RGS6: variants seen among roughly 807,000 people sequenced by gnomAD.
The protein encoded by RGS6 is regulator of G-protein signaling 6.
A neutral mutation model predicts 78.5 loss-of-function variants in RGS6; 30 were observed. The observed-to-expected ratio is 0.38, with a 90% CI of 0.29 to 0.52. RGS6 has a LOEUF of 0.52. RGS6 is among the 20% of genes least tolerant of loss of function. The pLI, the probability that RGS6 is intolerant of heterozygous loss-of-function variation, is 0.85. For missense variants in RGS6, 495 were observed against 609.7 expected (o/e 0.81, Z 1.98); for synonymous variants, 206 against 206.0 (o/e 1.00, Z 0.00).
At chr14:71,955,280 A>G (rs572484549) in intron 1 of RGS6, among the ~76,000 whole-genome samples, 1 of 152,192 alleles carries the variant, frequency 6.6e-6, no homozygotes, top group Non-Finnish European at 1.5e-5. Flanking sequence ...GTAATGTTCT[A>G]TTAACCATCT....
At chr14:72,076,462 G>A (rs894123365) in intron 2 of RGS6, among the ~76,000 whole-genome samples, 3 of 151,996 alleles carry the variant, frequency 2.0e-5, no homozygotes, top group African/African-American at 7.3e-5. Context: ...CCTTTTGTTC[G>A]GGATTTATCT....
At chr14:72,393,258 A>T (rs1420067355) in intron 3 of RGS6, among the ~76,000 whole-genome samples, 1 of 152,176 alleles carries the variant, frequency 6.6e-6, no homozygotes, top group Admixed American at 6.5e-5. Context: ...ATATTCTGTG[A>T]TGTAAGGTGG....
chr14:72,279,066 G>A (rs2061168489), intron 2 of RGS6, among the ~76,000 whole-genome samples: 1 of 151,968 alleles, frequency 6.6e-6, no homozygotes, highest in Non-Finnish European at 1.5e-5. Flanking sequence ...TTCTGTAAAG[G>A]GCGCTATCTC....
chr14:72,398,560 G>C (rs1189353264), intron 3 of RGS6, among the ~76,000 whole-genome samples: 3 of 152,222 alleles, frequency 2.0e-5, no homozygotes, highest in East Asian at 1.9e-4. Flanking sequence ...CTTCAGTTCT[G>C]TTCTGATCTT....
At chr14:72,503,304 C>T (rs2096753353) in intron 13 of RGS6, among the ~76,000 whole-genome samples, 1 of 152,216 alleles carries the variant, frequency 6.6e-6, no homozygotes, top group African/African-American at 2.4e-5. Context: ...CAACATTCTA[C>T]CTCAAGATCC....
chr14:72,185,469 G>A (rs1445050471), intron 2 of RGS6, among the ~76,000 whole-genome samples: 1 of 152,040 alleles, frequency 6.6e-6, no homozygotes, highest in Non-Finnish European at 1.5e-5. Flanking sequence ...TGAGAGTAAT[G>A]GTTATATCCA....
chr14:72,118,085 A>G (rs1597872821), intron 2 of RGS6, among the ~76,000 whole-genome samples: 1 of 152,146 alleles, frequency 6.6e-6, no homozygotes, highest in East Asian at 1.9e-4. Context: ...AGCGCTGGCC[A>G]CTTGTTTCTG....
At chr14:72,017,488 T>C (rs900927722) in intron 2 of RGS6, among the ~76,000 whole-genome samples, 3 of 152,250 alleles carry the variant, frequency 2.0e-5, no homozygotes, top group African/African-American at 7.2e-5. Flanking sequence ...TAAAGTTTTA[T>C]TGAAACACAG....
intron 2 of RGS6, among the ~76,000 whole-genome samples, chr14:72,122,677 C>T (rs2096078548): frequency 6.6e-6 from 1 of 151,506 alleles, no homozygotes; most frequent in South Asian, 2.1e-4. Context: ...TTGTTATACG[C>T]TGTCATTTCA....
chr14:72,030,834 A>G (rs1297187085), intron 2 of RGS6, among the ~76,000 whole-genome samples: 1 of 152,194 alleles, frequency 6.6e-6, no homozygotes, highest in African/African-American at 2.4e-5. Context: ...TTTTTTCCTG[A>G]CCAGTGACTT....
intron 2 of RGS6, among the ~76,000 whole-genome samples, chr14:72,084,366 G>A (rs1167400351): frequency 6.6e-6 from 1 of 152,108 alleles, no homozygotes; most frequent in Non-Finnish European, 1.5e-5. Flanking sequence ...TTCCTAACAG[G>A]CCACAGACTG....
intron 3 of RGS6, among the ~76,000 whole-genome samples, chr14:72,395,787 G>C (rs922131893): frequency 6.6e-6 from 1 of 151,930 alleles, no homozygotes; most frequent in Non-Finnish European, 1.5e-5. Context: ...GTGGTGTTTG[G>C]TTTTTTTCCC....
chr14:72,189,690 A>T (rs568384051), intron 2 of RGS6, among the ~76,000 whole-genome samples: 1 of 152,322 alleles, frequency 6.6e-6, no homozygotes, highest in South Asian at 2.1e-4. Context: ...AACCAGGACC[A>T]AAAGAGAATC....
intron 2 of RGS6, among the ~76,000 whole-genome samples, chr14:72,168,473 G>C (rs2096961052): frequency 6.6e-6 from 1 of 152,192 alleles, no homozygotes; most frequent in Non-Finnish European, 1.5e-5. Context: ...CACTGGTCGA[G>C]ATGTTCCTTA....
intron 2 of RGS6, among the ~76,000 whole-genome samples, chr14:72,208,546 A>G (rs2043231472): frequency 6.6e-6 from 1 of 152,192 alleles, no homozygotes; most frequent in African/African-American, 2.4e-5. Flanking sequence ...TCTCTGCTGC[A>G]TGAGACCTTA....
rs71109718 is a variant in RGS6, at chr14:72,057,313, G to GAAAAAAAA, written c.84+92458_84+92465dup. ...TGAGTGACAGAGTGAGACTCTATCT[G>GAAAAAAAA]AAAAAAAAAAAAAAAAAAAAAAAAA... On this transcript the variant is annotated intron_variant, in intron 2 of 17. Transcript: ENST00000553525. Among the ~76,000 whole-genome samples, 132 of 56,160 alleles carry GAAAAAAAA rather than the reference G, an allele frequency of 2.4e-3. 4 individuals are homozygous for GAAAAAAAA. The highest frequency in any genetic ancestry group is 6.8e-3 in the African/African-American group (91 of 13,464). The allele number at this position is 56,160 out of a possible 152,430, so 36.8% of individuals were successfully genotyped here.
chr14:72,070,005 G>GGCAAACTGTCTTGGAT (rs2094345406), intron 2 of RGS6, among the ~76,000 whole-genome samples: 1 of 152,060 alleles, frequency 6.6e-6, no homozygotes, highest in African/African-American at 2.4e-5. Context: ...GTCTCTTCAT[G>GGCAAACTGTCTTGGAT]GCAAACTGTC....
intron 2 of RGS6, among the ~76,000 whole-genome samples, chr14:72,255,529 C>G (rs2056888291): frequency 6.6e-6 from 1 of 152,164 alleles, no homozygotes; most frequent in Non-Finnish European, 1.5e-5. Context: ...ACTGAAGTCT[C>G]TGTTTAGGCA....
chr14:72,573,695 G>A, the RGS6 span, among the ~76,000 whole-genome samples: 22 of 152,096 alleles, frequency 1.4e-4, no homozygotes, highest in Admixed American at 4.6e-4. Context: ...GCCTGACTGC[G>A]GCCAGAATTT....
Sources: gnomAD v4.1 joint callset for allele counts (sites outside exome capture counted in the v4.1 genomes callset) on GRCh38, gnomAD v4.1.1 for gene constraint, MANE v1.5 for transcripts, NCBI Gene and HGNC (gene_info 2026-07-23, HGNC 2026-07-21) for gene names.